The following MEF2D variants were observed in gnomAD, a reference collection of about 807,000 sequenced individuals.
MEF2D encodes myocyte enhancer factor 2D.
Under a neutral mutation model 59.3 loss-of-function variants are expected in MEF2D, and 10 were observed. That is an observed-to-expected ratio of 0.17 (90% CI 0.10 to 0.29). The LOEUF (loss-of-function observed/expected upper bound fraction) is 0.29, where lower values mean the gene tolerates loss of function less well. Ranked by LOEUF, MEF2D falls within the 10% of genes least tolerant of loss-of-function variation. The pLI, the probability that MEF2D is intolerant of heterozygous loss-of-function variation, is 1.00. For synonymous variants in MEF2D, 305 were observed against 295.0 expected (o/e 1.03, Z -0.35); for missense variants, 508 against 699.4 (o/e 0.73, Z 3.09).
Position 156,482,548 on chromosome 1 carries a change from G to A in MEF2D, c.147C>T (p.Asn49=), listed in dbSNP as rs1672091893. Residue 49 remains asparagine (N), a synonymous_variant, in exon 3 of 12, where the codon AAC becomes AAT. Coordinates refer to ENST00000348159, the MANE Select transcript of MEF2D (RefSeq NM_005920.4). The part of the protein sequence containing the change: ...CDCEIALIIF[N]HSNKLFQYAS... Reference sequence around the variant, plus strand: ...CGTACTGGAACAGCTTGTTGGAGTGGTTGAAGATGATGAGTGCGATCTCGC... The same window carrying A: ...CGTACTGGAACAGCTTGTTGGAGTGATTGAAGATGATGAGTGCGATCTCGC... 1 of 1,614,260 alleles carries A rather than the reference G, an allele frequency of 6.2e-7. No homozygotes were observed. The highest frequency in any genetic ancestry group is 8.5e-7 in the Non-Finnish European group (1 of 1,180,056).
chr1:156,489,553 CAG>C (rs1348117882), intron 1 of MEF2D, among the ~76,000 whole-genome samples: 1 of 152,018 alleles, frequency 6.6e-6, no homozygotes, highest in Non-Finnish European at 1.5e-5. Context: ...GACAAAGATT[CAG>C]AGAGAAGCAG....
At chr1:156,495,761 G>GAAAAAAAAAAAAAA (rs1557898471) in intron 1 of MEF2D, among the ~76,000 whole-genome samples, 3 of 2,702 alleles carry the variant, frequency 1.1e-3, no homozygotes, top group African/African-American at 3.2e-3. Context: ...TGACCAGGGG[G>GAAAAAAAAAAAAAA]CAAAAAAAAA....
At chr1:156,481,130 TG>T (rs1671987188) in intron 3 of MEF2D, among the ~76,000 whole-genome samples, 159 bp from the exon 4 acceptor site, 1 of 152,170 alleles carries the variant, frequency 6.6e-6, no homozygotes, top group South Asian at 2.1e-4. Context: ...CAGTGCCTCC[TG>T]GGGCATCGTG....
rs1245000726 is a variant in MEF2D at position 156,500,586 on chromosome 1, G to C, written c.-239C>G. 1 of 152,216 alleles carries C rather than the reference G, an allele frequency of 6.6e-6. No individual in the cohort carries two copies. 9.4% of individuals were successfully genotyped at this position (152,216 alleles called of 1,614,324 possible). On this transcript the variant is annotated 5_prime_UTR_variant, in exon 1 of 12. Transcript: ENST00000348159. ...ACCGGGAAGCCGCAGCTCCGGGCGG[G>C]GAGAATAATAAATGAGGCCGGCGTC...
At chr1:156,499,626 TC>T (rs1673358437) in intron 1 of MEF2D, 1 of 151,734 alleles carries the variant, frequency 6.6e-6, no homozygotes, top group Non-Finnish European at 1.5e-5. Flanking sequence ...TGGCCCATCC[TC>T]CCAAAAGCCC....
At position 156,479,749 on chromosome 1, in the gene MEF2D, C is replaced by A; in HGVS notation, c.444G>T (p.Val148=). 1 of 1,551,672 alleles carries A rather than the reference C, an allele frequency of 6.4e-7. No homozygotes were observed. Among genetic ancestry groups the A allele is most frequent in the Non-Finnish European group, 8.7e-7 (1 of 1,146,968 alleles). The change falls in exon 5 of 12, where the codon GTG becomes GTT. Residue 148 remains valine, a synonymous_variant. Transcript: ENST00000348159. ...PNFAMPVTVP[V]SNQSSLQFSN... ...TGAACTGCAGTGAGCTCTGATTGGA[C>A]ACGGGCACCGTGACAGGCATGGCAA...
At chr1:156,469,931 A>G (rs1041679701) in intron 9 of MEF2D, among the ~76,000 whole-genome samples, 7 of 152,200 alleles carry the variant, frequency 4.6e-5, no homozygotes, top group Non-Finnish European at 8.8e-5. Flanking sequence ...TTAAAAAAAT[A>G]AAAAGATGGA....
chr1:156,488,550 C>T (rs922644441), intron 1 of MEF2D, among the ~76,000 whole-genome samples: 11 of 152,130 alleles, frequency 7.2e-5, no homozygotes, highest in Non-Finnish European at 8.8e-5. Context: ...TCCCAGGTAC[C>T]GACCCAATTA....
intron 1 of MEF2D, among the ~76,000 whole-genome samples, chr1:156,500,239 A>G (rs1673410409): frequency 6.6e-6 from 1 of 151,280 alleles, no homozygotes; most frequent in South Asian, 2.1e-4. Flanking sequence ...TACTCCCAAC[A>G]CCCAAGGGAA....
chr1:156,494,094 C>T (rs997742872), intron 1 of MEF2D, among the ~76,000 whole-genome samples: 1 of 152,154 alleles, frequency 6.6e-6, no homozygotes, highest in African/African-American at 2.4e-5. Context: ...TCATCCCATC[C>T]TCCTGGTCTA....
rs1383818434 is a variant in MEF2D, at chr1:156,464,708, A to T, written c.*2937T>A. 6.6e-6 allele frequency: 1 copy of T among 152,150 alleles called. No individual in the cohort carries two copies. The highest frequency in any genetic ancestry group is 1.5e-5 in the Non-Finnish European group (1 of 68,026). 9.4% of individuals were successfully genotyped at this position (152,150 alleles called of 1,614,324 possible). A position where few individuals can be genotyped will look rare whatever the true frequency, so the allele number is the denominator to read the frequency against. On this transcript the variant is annotated 3_prime_UTR_variant, in exon 12 of 12. Transcript: ENST00000348159. ...TCGGATACTGAACTGCAGAAATGTC[A>T]CATATTCACAGACCACCCCATCCCC...
chr1:156,480,610 C>A lies in MEF2D; in HGVS notation c.396+224G>T, dbSNP rs540357270. On this transcript the variant is annotated intron_variant, in intron 4 of 11. Coordinates refer to ENST00000348159, the MANE Select transcript of MEF2D (RefSeq NM_005920.4). ...CAGGGCGCGAAGCCACACCATGCAC[C>A]ACAGGGAGGCTCTGCTCCATGCGAC... 2.7e-5 allele frequency: 42 copies of A among 1,529,900 alleles called. No homozygotes were observed. The African/African-American group carries it at 4.3e-4, about 16-fold the overall frequency. The allele number at this position is 1,529,900 out of a possible 1,614,324, so 94.8% of individuals were successfully genotyped here.
At chr1:156,493,172 T>C (rs947492853) in intron 1 of MEF2D, among the ~76,000 whole-genome samples, 25 of 151,968 alleles carry the variant, frequency 1.6e-4, no homozygotes, top group African/African-American at 6.0e-4. Context: ...ACATGAGAGC[T>C]AAGAGAGAGG....
At position 156,482,421 on chromosome 1, in the gene MEF2D, G is replaced by A. The variant is rs1252767671; in HGVS notation, c.258+16C>T. 1 of 1,613,304 alleles carries A rather than the reference G, an allele frequency of 6.2e-7. No individual in the cohort carries two copies. The highest frequency in any genetic ancestry group is 8.5e-7 in the Non-Finnish European group (1 of 1,179,924). On this transcript the variant is annotated intron_variant, in intron 3 of 11. Transcript: ENST00000348159. ...CAGGCGGGGGTATATCCTGGTGCCT[G>A]TGTGTATGGGCCCACCTCGATGATG...
In MEF2D at chr1:156,463,822, GA is replaced by G. The variant is rs1400638550; in HGVS notation, c.*3822del. The G allele has an allele frequency of 1.3e-5, 2 of 152,600 alleles. No individual in the cohort carries two copies. Among genetic ancestry groups the G allele is most frequent in the African/African-American group, 4.8e-5 (2 of 41,438 alleles). 9.5% of individuals were successfully genotyped at this position (152,600 alleles called of 1,614,324 possible). A position where few individuals can be genotyped will look rare whatever the true frequency, so the allele number is the denominator to read the frequency against. The stretch of plus-strand genomic sequence containing the variant: ...AAACAAAACTCATAAGAATCTCGAG[GA>G]CTTTGTCTTTTCTTATTGTGTAGAA... On this transcript the variant is annotated 3_prime_UTR_variant, in exon 12 of 12. Coordinates refer to ENST00000348159, the MANE Select transcript of MEF2D (RefSeq NM_005920.4).
chr1:156,486,049 C>T (rs1672338094), intron 1 of MEF2D, among the ~76,000 whole-genome samples: 1 of 152,180 alleles, frequency 6.6e-6, no homozygotes, highest in South Asian at 2.1e-4. Context: ...AGGATTTCAC[C>T]ATGTTGGACA....
intron 1 of MEF2D, among the ~76,000 whole-genome samples, chr1:156,498,710 G>A (rs910517278): frequency 6.6e-6 from 1 of 152,036 alleles, no homozygotes; most frequent in Non-Finnish European, 1.5e-5. Flanking sequence ...GTTGGCGGGG[G>A]CAGGGGAGTT....
rs56088206 is a variant in MEF2D at position 156,482,745 on chromosome 1, C to T, written c.55-105G>A. ...CATAGCCCCTGCCCTCAGGAGCCCC[C>T]ATTCTCAGTGTGACACAGCCCCTGG... On this transcript the variant is annotated intron_variant, in intron 2 of 11. Coordinates refer to ENST00000348159, the MANE Select transcript of MEF2D (RefSeq NM_005920.4). 793 of 1,064,808 alleles carry T rather than the reference C, an allele frequency of 7.4e-4. 2 individuals carry two copies. In the African/African-American group the frequency reaches 0.011, roughly 15 times the overall value. 66.0% of individuals were successfully genotyped at this position (1,064,808 alleles called of 1,614,324 possible).
At chr1:156,472,626 G>A (rs549168287) in intron 9 of MEF2D, among the ~76,000 whole-genome samples, 4 of 152,248 alleles carry the variant, frequency 2.6e-5, no homozygotes, top group African/African-American at 7.2e-5. Context: ...TCGGCTCACC[G>A]CAACCTCCAC....
Sources: allele counts gnomAD v4.1 joint callset (sites outside exome capture counted in the v4.1 genomes callset), GRCh38; gene constraint gnomAD v4.1.1; transcripts MANE v1.5; gene names NCBI Gene and HGNC (gene_info 2026-07-23, HGNC 2026-07-21).